OTUD7A: variants seen among roughly 807,000 people sequenced by gnomAD.
OTUD7A encodes OTU domain-containing protein 7A.
Under a neutral mutation model 65.7 loss-of-function variants are expected in OTUD7A, and 12 were observed. The observed-to-expected ratio is 0.18, with a 90% CI of 0.12 to 0.30. OTUD7A has a LOEUF of 0.30. Among genes scored for constraint, OTUD7A ranks in the 10% least tolerant of loss-of-function variants. OTUD7A has a pLI of 1.00. For synonymous variants in OTUD7A, 641 were observed against 586.3 expected (o/e 1.09, Z -1.35); for missense variants, 1,148 against 1,304.8 (o/e 0.88, Z 1.85).
chr15:31,714,710 T>A (rs1352203342), intron 1 of OTUD7A, among the ~76,000 whole-genome samples: 1 of 152,206 alleles, frequency 6.6e-6, no homozygotes, highest in Non-Finnish European at 1.5e-5. Flanking sequence ...ACAGCATTAC[T>A]GGCATTCAGC....
chr15:31,719,310 T>C (rs1893674203), intron 1 of OTUD7A, among the ~76,000 whole-genome samples: 1 of 151,820 alleles, frequency 6.6e-6, no homozygotes, highest in Non-Finnish European at 1.5e-5. Context: ...TCTCAAGAAC[T>C]TGGACATGTA....
At chr15:31,672,011 C>T (rs1892496636) in intron 1 of OTUD7A, among the ~76,000 whole-genome samples, 1 of 152,192 alleles carries the variant, frequency 6.6e-6, no homozygotes, top group Non-Finnish European at 1.5e-5. Flanking sequence ...TAAGTAAGAA[C>T]ACGCGGCATT....
intron 1 of OTUD7A, among the ~76,000 whole-genome samples, chr15:31,867,037 G>T (rs1897894072): frequency 6.6e-6 from 1 of 152,122 alleles, no homozygotes; most frequent in Non-Finnish European, 1.5e-5. Context: ...GGAGTCTTTG[G>T]TCTTCAGTAA....
At chr15:31,630,302 C>T (rs1039093644) in intron 3 of OTUD7A, among the ~76,000 whole-genome samples, 4 of 150,204 alleles carry the variant, frequency 2.7e-5, no homozygotes, top group South Asian at 2.1e-4. Context: ...TCTTTGTTCT[C>T]GTTGGTTTCA....
intron 1 of OTUD7A, among the ~76,000 whole-genome samples, chr15:31,843,846 C>T (rs1312085931): frequency 1.3e-5 from 2 of 152,250 alleles, no homozygotes; most frequent in South Asian, 4.1e-4. Flanking sequence ...TGATGGTCCC[C>T]GATACACTGG....
chr15:31,852,090 C>A (rs1347180749), intron 1 of OTUD7A, among the ~76,000 whole-genome samples: 2 of 152,210 alleles, frequency 1.3e-5, no homozygotes, highest in African/African-American at 2.4e-5. Context: ...AACTCCTGAC[C>A]TCATGATCCG....
intron 10 of OTUD7A, among the ~76,000 whole-genome samples, chr15:31,491,071 A>G (rs1293037611): frequency 6.6e-6 from 1 of 152,084 alleles, no homozygotes; most frequent in East Asian, 1.9e-4. Context: ...TTACTGTCCT[A>G]CTCAAGATGC....
intron 1 of OTUD7A, among the ~76,000 whole-genome samples, chr15:31,728,819 T>C (rs2141358113): frequency 6.6e-6 from 1 of 152,374 alleles, no homozygotes; most frequent in East Asian, 1.9e-4. Flanking sequence ...TATCTTTTAT[T>C]ATACTGTGAC....
At position 31,559,838 on chromosome 15, in the gene OTUD7A, GCA is replaced by G. The variant is rs562200732; in HGVS notation, c.332-653_332-652del. ...CATACACACGTACACATACATGTGT[GCA>G]CACACATACACATGCACACCCATAT... is the stretch of plus-strand genomic sequence containing the variant. On this transcript the variant is annotated intron_variant, in intron 4 of 12. Transcript: ENST00000307050. 3.8e-3 allele frequency among the ~76,000 whole-genome samples: 576 copies of G among 152,246 alleles called. 3 individuals carry two copies. Among genetic ancestry groups the G allele is most frequent in the African/African-American group, 0.013 (532 of 41,552 alleles).
At chr15:31,574,975 C>G (rs886147117) in intron 3 of OTUD7A, among the ~76,000 whole-genome samples, 2 of 152,128 alleles carry the variant, frequency 1.3e-5, no homozygotes, top group Non-Finnish European at 2.9e-5. Context: ...GCCTGCTTGC[C>G]GTGCCCTGCC....
intron 1 of OTUD7A, among the ~76,000 whole-genome samples, chr15:31,773,761 T>A (rs1014869371): frequency 1.3e-5 from 2 of 152,216 alleles, no homozygotes; most frequent in Non-Finnish European, 2.9e-5. Flanking sequence ...GGTTTAAATA[T>A]ATGAAATACA....
chr15:31,852,552 T>A (rs1050861995), intron 1 of OTUD7A, among the ~76,000 whole-genome samples: 1 of 152,232 alleles, frequency 6.6e-6, no homozygotes, highest in Non-Finnish European at 1.5e-5. Flanking sequence ...TACACAAAGT[T>A]CATAACCTTC....
At chr15:31,860,872 AT>A (rs5811669) in intron 1 of OTUD7A, among the ~76,000 whole-genome samples, 57,208 of 87,046 alleles carry the variant, frequency 0.66, 17,778 homozygotes, top group East Asian at 0.86. Context: ...TGCCCAGCTA[AT>A]TTTTTTTTTT....
intron 1 of OTUD7A, among the ~76,000 whole-genome samples, chr15:31,704,659 A>G (rs576427826): frequency 1.9e-4 from 29 of 151,888 alleles, no homozygotes; most frequent in African/African-American, 6.3e-4. Flanking sequence ...TCAGACATAT[A>G]ATGTCCCCAG....
At position 31,802,141 on chromosome 15, in the gene OTUD7A, G is replaced by GTGTGTGTA. The variant is rs553698632; in HGVS notation, c.-100+68365_-100+68366insTACACACA. ...TGTGTGTGTGTGTGTGTGTGTGTGT[G>GTGTGTGTA]TATATATATATATGTAAAGGGGAGT... On this transcript the variant is annotated intron_variant, in intron 1 of 12. Coordinates refer to ENST00000307050, the MANE Select transcript of OTUD7A (RefSeq NM_001382637.1). 6.3e-3 allele frequency among the ~76,000 whole-genome samples: 904 copies of GTGTGTGTA among 142,514 alleles called. 6 individuals carry two copies. The highest frequency in any genetic ancestry group is 9.0e-3 in the African/African-American group (336 of 37,474). 93.5% of individuals were successfully genotyped at this position (142,514 alleles called of 152,430 possible). A position where few individuals can be genotyped will look rare whatever the true frequency, so the allele number is the denominator to read the frequency against.
At chr15:31,864,235 C>T (rs560109971) in intron 1 of OTUD7A, among the ~76,000 whole-genome samples, 2 of 152,300 alleles carry the variant, frequency 1.3e-5, no homozygotes, top group South Asian at 2.1e-4. Flanking sequence ...CCCTCCAAAC[C>T]GTTCCAACCT....
chr15:31,798,247 T>A (rs1896025757), intron 1 of OTUD7A, among the ~76,000 whole-genome samples: 1 of 152,148 alleles, frequency 6.6e-6, no homozygotes, highest in Non-Finnish European at 1.5e-5. Context: ...ACAAATGTGA[T>A]CTTCCCCAAA....
At position 31,483,581 on chromosome 15, in the gene OTUD7A, C is replaced by G; in HGVS notation, c.2515G>C (p.Gly839Arg). Residue 839 changes from glycine (G) to arginine (R), a missense_variant, in exon 13 of 13, where the codon GGG becomes CGG. Gly to Arg is a moderately radical substitution (Grantham distance 125). Coordinates refer to ENST00000307050, the MANE Select transcript of OTUD7A (RefSeq NM_001382637.1). ...TVESLARAVP[G>R]ALPGAAGTAG... is the part of the protein sequence containing the mutation. ...GTCCCCGCCGCGCCCGGTAGGGCCC[C>G]GGGCACCGCGCGCGCCAGCGACTCG... 2.4e-6 allele frequency: 3 copies of G among 1,244,360 alleles called. No individual in the cohort carries two copies. Among genetic ancestry groups the G allele is most frequent in the South Asian group, 2.7e-5 (1 of 36,892 alleles). The allele number at this position is 1,244,360 out of a possible 1,614,324, so 77.1% of individuals were successfully genotyped here.
intron 1 of OTUD7A, among the ~76,000 whole-genome samples, chr15:31,802,543 A>C (rs1190080070): frequency 6.6e-6 from 1 of 152,186 alleles, no homozygotes; most frequent in African/African-American, 2.4e-5. Flanking sequence ...AGTATTAACC[A>C]CCACATAAAG....
Sources: gnomAD v4.1 joint callset for allele counts (sites outside exome capture counted in the v4.1 genomes callset) on GRCh38, gnomAD v4.1.1 for gene constraint, MANE v1.5 for transcripts, NCBI Gene and HGNC (gene_info 2026-07-23, HGNC 2026-07-21) for gene names.